The following FAM228A variants were observed in gnomAD, a reference collection of about 807,000 sequenced individuals.
FAM228A encodes the protein family with sequence similarity 228 member A.
Under a neutral mutation model 18.6 loss-of-function variants are expected in FAM228A, and 13 were observed. The observed-to-expected ratio is 0.70, with a 90% CI of 0.45 to 1.11. The LOEUF (loss-of-function observed/expected upper bound fraction) is 1.11. FAM228A is among the 50% of genes least tolerant of loss of function. The pLI is 0.00. For synonymous variants in FAM228A, 77 were observed against 86.6 expected, an observed-to-expected ratio of 0.89 and a Z score of 0.61; for missense variants, 240 against 242.2, an observed-to-expected ratio of 0.99 and a Z score of 0.06.
intron 2 of FAM228A, chr2:24,176,274 A>T: frequency 2.3e-6 from 2 of 866,144 alleles, no homozygotes; most frequent in South Asian, 5.3e-5. Flanking sequence ...AAATAAATAG[A>T]TTCTAAATTT....
At chr2:24,189,829 G>A (rs1349196957) in intron 5 of FAM228A, among the ~76,000 whole-genome samples, 3 of 152,116 alleles carry the variant, frequency 2.0e-5, no homozygotes, top group Non-Finnish European at 1.5e-5. Flanking sequence ...CTTCTCAAAG[G>A]AAAGGCGGGA....
Position 24,191,338 on chromosome 2 carries a change from C to T in FAM228A, c.*707C>T. The T allele has an allele frequency of 2.0e-6, 2 of 985,664 alleles. No homozygotes were observed. Among genetic ancestry groups the T allele is most frequent in the South Asian group, 9.4e-5 (2 of 21,288 alleles). The allele number at this position is 985,664 out of a possible 1,614,324, so 61.1% of individuals were successfully genotyped here. A position where few individuals can be genotyped will look rare whatever the true frequency, so the allele number is the denominator to read the frequency against. On this transcript the variant is annotated 3_prime_UTR_variant, in exon 6 of 6. Coordinates refer to ENST00000295150, the MANE Select transcript of FAM228A (RefSeq NM_001040710.3). Reference sequence around the variant, plus strand: ...AGGATGGGGGACTGCTGCTGCTTTCCAGCCTGTGAGCCTGGATAGGTATTT... The same window carrying T: ...AGGATGGGGGACTGCTGCTGCTTTCTAGCCTGTGAGCCTGGATAGGTATTT...
At chr2:24,176,111 A>G (rs1002484761) in intron 2 of FAM228A, 2 of 985,298 alleles carry the variant, frequency 2.0e-6, no homozygotes, top group Non-Finnish European at 2.4e-6. Flanking sequence ...AAGAAGAGCC[A>G]TCAAAGACAA....
Position 24,190,801 on chromosome 2 carries a change from CAA to C in FAM228A, c.*171_*172del. On this transcript the variant is annotated 3_prime_UTR_variant, in exon 6 of 6. Transcript: ENST00000295150. ...GAAGCCTTGCATGAAGAAACTCAGA[CAA>C]GTGGTAAATGTGGGACCTGGACCCC... 5 of 1,316,840 alleles carry C rather than the reference CAA, an allele frequency of 3.8e-6. No homozygotes were observed. The highest frequency in any genetic ancestry group is 4.9e-6 in the Non-Finnish European group (5 of 1,029,496). 81.6% of individuals were successfully genotyped at this position (1,316,840 alleles called of 1,614,324 possible).
chr2:24,188,709 C>T lies in FAM228A; in HGVS notation c.402-1703C>T, dbSNP rs578143163. On this transcript the variant is annotated intron_variant, in intron 5 of 5. Coordinates refer to ENST00000295150, the MANE Select transcript of FAM228A (RefSeq NM_001040710.3). ...AGGTAAGAGTTGGAGATTGTCAACT[C>T]ATTCCTGAAGGCTCTCGCCTCTCTG... 1.6e-5 allele frequency: 15 copies of T among 946,854 alleles called. 1 individual carries two copies. The highest frequency in any genetic ancestry group is 5.4e-4 in the Middle Eastern group (1 of 1,836). The allele number at this position is 946,854 out of a possible 1,614,324, so 58.7% of individuals were successfully genotyped here. A position where few individuals can be genotyped will look rare whatever the true frequency, so the allele number is the denominator to read the frequency against.
intron 2 of FAM228A, among the ~76,000 whole-genome samples, chr2:24,176,885 T>C (rs959995481): frequency 6.6e-6 from 1 of 152,218 alleles, no homozygotes; most frequent in African/African-American, 2.4e-5. Flanking sequence ...TCACACTTAG[T>C]CCTATAAGAA....
rs1029461793 is a variant in FAM228A at position 24,191,219 on chromosome 2, C to T, written c.*588C>T. On this transcript the variant is annotated 3_prime_UTR_variant, in exon 6 of 6. Transcript: ENST00000295150. Reference sequence around the variant, plus strand: ...GCCCTGTGCCCTGAGGCCTGAGGCGCAGGACCCTCCCAGGGAAGGCCTAGG... The same window carrying T: ...GCCCTGTGCCCTGAGGCCTGAGGCGTAGGACCCTCCCAGGGAAGGCCTAGG... The T allele has an allele frequency of 8.1e-6, 8 of 985,494 alleles. No homozygotes were observed. In the African/African-American group the frequency reaches 1.4e-4, roughly 17 times the overall value. The allele number at this position is 985,494 out of a possible 1,614,324, so 61.0% of individuals were successfully genotyped here.
At chr2:24,189,996 C>T (rs1007999037) in intron 5 of FAM228A, among the ~76,000 whole-genome samples, 2 of 152,304 alleles carry the variant, frequency 1.3e-5, no homozygotes, top group East Asian at 3.9e-4. Context: ...GTGGCACTCA[C>T]CATTACTTCT....
At chr2:24,190,344 G>A (rs900587647) in intron 5 of FAM228A, 68 bp from the exon 6 acceptor site, 20 of 1,476,652 alleles carry the variant, frequency 1.4e-5, no homozygotes, top group African/African-American at 4.3e-5. Context: ...ATTAATCTTC[G>A]GAAACTATTT....
Position 24,175,568 on chromosome 2 carries a change from A to G in FAM228A, c.88A>G (p.Met30Val), listed in dbSNP as rs368941941. The G allele has an allele frequency of 5.4e-5, 87 of 1,612,758 alleles. No individual in the cohort carries two copies. The highest frequency in any genetic ancestry group is 6.4e-5 in the Non-Finnish European group (75 of 1,178,824). The change falls in exon 2 of 6, where the codon ATG becomes GTG. Residue 30 changes from methionine to valine, a missense_variant. Transcript: ENST00000295150. ...EWPEPESVSL[M>V]EVLAREDIDE... is the part of the protein sequence containing the mutation. Reference sequence around the variant, plus strand: ...GCCGGAGCCCGAGTCCGTTTCTTTAATGGAGGTGAGATAACGTGGCGTTTT... The same window carrying G: ...GCCGGAGCCCGAGTCCGTTTCTTTAGTGGAGGTGAGATAACGTGGCGTTTT...
At chr2:24,184,053 A>G (rs370018761) in intron 5 of FAM228A, among the ~76,000 whole-genome samples, 6 of 152,332 alleles carry the variant, frequency 3.9e-5, no homozygotes, top group South Asian at 4.1e-4. Context: ...TTATTCTTTT[A>G]TGACTGACTC....
At chr2:24,175,837 A>G (rs1192269615) in intron 2 of FAM228A, 16 of 1,148,516 alleles carry the variant, frequency 1.4e-5, no homozygotes, top group Non-Finnish European at 1.7e-5. Context: ...GGCAGAAGCC[A>G]GGTCTGGGCT....
rs184252996 is a variant in FAM228A, at chr2:24,191,363, T to A, written c.*732T>A. On this transcript the variant is annotated 3_prime_UTR_variant, in exon 6 of 6. Coordinates refer to ENST00000295150, the MANE Select transcript of FAM228A (RefSeq NM_001040710.3). ...CAGCCTGTGAGCCTGGATAGGTATT[T>A]TGTGACCCAGCTCCTGCTCAGTCCC... The A allele has an allele frequency of 2.5e-5, 25 of 985,592 alleles. No individual in the cohort carries two copies. In the African/African-American group the frequency reaches 4.2e-4, roughly 16 times the overall value. 61.1% of individuals were successfully genotyped at this position (985,592 alleles called of 1,614,324 possible).
chr2:24,188,633 C>A, intron 5 of FAM228A: 1 of 985,392 alleles, frequency 1.0e-6, no homozygotes, highest in Non-Finnish European at 1.2e-6. Context: ...TCAGTCTCTA[C>A]CTTGGTACTT....
At chr2:24,184,915 C>T (rs1381259348) in intron 5 of FAM228A, among the ~76,000 whole-genome samples, 2 of 151,678 alleles carry the variant, frequency 1.3e-5, no homozygotes, top group East Asian at 1.9e-4. Context: ...CTCTGCCTCC[C>T]GGGTTCAAGT....
chr2:24,183,550 C>A lies in FAM228A; in HGVS notation c.306C>A (p.Ala102=). ...AAATAGAGAAGGCCAGGCTGCATGC[C>A]AGCTCGCCCTACTTCACTTTCACTT... is the stretch of plus-strand genomic sequence containing the variant. ...LEEIEKARLH[A]SSPYFTFTSH... is the part of the protein sequence containing the mutation. The change falls in exon 5 of 6, where the codon GCC becomes GCA. Residue 102 remains alanine (A), a synonymous_variant. Transcript: ENST00000295150. 10 of 1,614,004 alleles carry A rather than the reference C, an allele frequency of 6.2e-6. No individual in the cohort carries two copies. The highest frequency in any genetic ancestry group is 8.5e-6 in the Non-Finnish European group (10 of 1,179,920).
chr2:24,187,093 C>T (rs1356187133), intron 5 of FAM228A, among the ~76,000 whole-genome samples: 1 of 152,298 alleles, frequency 6.6e-6, no homozygotes, highest in South Asian at 2.1e-4. Flanking sequence ...CACTTTACCC[C>T]ACTTTCCCTT....
chr2:24,175,183 C>T lies in FAM228A; in HGVS notation c.-15+9C>T. On this transcript the variant is annotated intron_variant, in intron 1 of 5. Coordinates refer to ENST00000295150, the MANE Select transcript of FAM228A (RefSeq NM_001040710.3). ...CCCGGAGCTGGCCTGAGGTGGGGCC[C>T]GGGGAGGCCTACGGGCCTGGGGGTC... is the stretch of plus-strand genomic sequence containing the variant. The T allele has an allele frequency of 2.9e-6, 1 of 342,024 alleles. No individual in the cohort carries two copies. Among genetic ancestry groups the T allele is most frequent in the Non-Finnish European group, 5.4e-6 (1 of 184,908 alleles). 21.2% of individuals were successfully genotyped at this position (342,024 alleles called of 1,614,324 possible).
chr2:24,185,819 G>A (rs951386664), intron 5 of FAM228A, among the ~76,000 whole-genome samples: 1 of 152,026 alleles, frequency 6.6e-6, no homozygotes, highest in Non-Finnish European at 1.5e-5. Flanking sequence ...ATAAGAAACT[G>A]TCTAAAGGTC....
Sources: gnomAD v4.1 joint callset for allele counts (sites outside exome capture counted in the v4.1 genomes callset) on GRCh38, gnomAD v4.1.1 for gene constraint, MANE v1.5 for transcripts, NCBI Gene and HGNC (gene_info 2026-07-23, HGNC 2026-07-21) for gene names.